Variants in RNF213 observed in about 807,000 individuals in gnomAD.
RNF213 encodes the protein E3 ubiquitin-protein ligase RNF213.
In RNF213, 341 loss-of-function variants were observed where a neutral mutation model predicts 514.4. The ratio of observed to expected loss-of-function variants is 0.66; its 90% confidence interval spans 0.61 to 0.73. The LOEUF is 0.73. Among genes scored for constraint, RNF213 ranks in the 30% least tolerant of loss-of-function variants. The pLI is 0.00. For synonymous variants in RNF213, 2,655 were observed against 2,658.2 expected (o/e 1.00, Z 0.04); for missense variants, 5,767 against 6,615.6 (o/e 0.87, Z 4.45).
chr17:80,313,821 G>C lies in RNF213; in HGVS notation c.2811+654G>C, dbSNP rs2045688252. ...GATGGTGGAGGTAATGGAGGTGATG[G>C]TGGTGGTGGAGGTGATGGTGGAGGT... is the stretch of plus-strand genomic sequence containing the variant. On this transcript the variant is annotated intron_variant, in intron 15 of 67. Coordinates refer to ENST00000582970, the MANE Select transcript of RNF213 (RefSeq NM_001256071.3). Among the ~76,000 whole-genome samples the C allele has an allele frequency of 7.1e-5, 4 of 56,114 alleles. No individual in the cohort carries two copies. In the South Asian group the frequency reaches 2.1e-3, roughly 30 times the overall value. The allele number at this position is 56,114 out of a possible 152,430, so 36.8% of individuals were successfully genotyped here.
Position 80,323,335 on chromosome 17 carries a change from G to C in RNF213, c.3025-1695G>C, listed in dbSNP as rs552447356. On this transcript the variant is annotated intron_variant, in intron 17 of 67. Coordinates refer to ENST00000582970, the MANE Select transcript of RNF213 (RefSeq NM_001256071.3). ...TGGGATGTGTGAGTCCTCCTACTTT[G>C]TTCTTATTTTTCAAGATTGTTTTGG... Among the ~76,000 whole-genome samples the C allele has an allele frequency of 1.3e-3, 193 of 152,244 alleles. 1 individual carries two copies. The highest frequency in any genetic ancestry group is 6.8e-3 in the South Asian group (33 of 4,826).
At chr17:80,372,940 C>T in intron 48 of RNF213, 35 bp from the exon 49 acceptor site, 2 of 1,600,440 alleles carry the variant, frequency 1.2e-6, no homozygotes, top group Non-Finnish European at 1.7e-6. Flanking sequence ...CCCTAAGTCA[C>T]CAGCCACTCA....
At position 80,382,675 on chromosome 17, in the gene RNF213, G is replaced by A. The variant is rs145642913; in HGVS notation, c.13979-304G>A. 370 of 355,834 alleles carry A rather than the reference G, an allele frequency of 1.0e-3. 5 individuals are homozygous for A. The highest frequency in any genetic ancestry group is 7.2e-3 in the African/African-American group (337 of 46,950). The allele number at this position is 355,834 out of a possible 1,614,324, so 22.0% of individuals were successfully genotyped here. On this transcript the variant is annotated intron_variant, in intron 57 of 67. Coordinates refer to ENST00000582970, the MANE Select transcript of RNF213 (RefSeq NM_001256071.3). Reference sequence around the variant, plus strand: ...TGGGTGGCAGCAGCTGAGACGGCTGGCGGTAGCCTGGGCCACTCTTACTAT... The same window carrying A: ...TGGGTGGCAGCAGCTGAGACGGCTGACGGTAGCCTGGGCCACTCTTACTAT...
Position 80,383,076 on chromosome 17 carries a change from C to A in RNF213, c.14070+6C>A. On this transcript the variant is annotated splice_donor_region_variant and intron_variant, in intron 58 of 67. Transcript: ENST00000582970. ...TGATTTCTCCTGAACTGGAGGTAAG[C>A]AGTAAGTGCTGACAGCTGGGTTGCT... is the stretch of plus-strand genomic sequence containing the variant. 3.1e-6 allele frequency: 5 copies of A among 1,603,666 alleles called. No homozygotes were observed. The highest frequency in any genetic ancestry group is 4.3e-6 in the Non-Finnish European group (5 of 1,170,644).
rs1568105315 is a variant in RNF213 at position 80,346,442 on chromosome 17, T to C, written c.8107T>C (p.Tyr2703His). 6.2e-7 allele frequency: 1 copy of C among 1,613,664 alleles called. No homozygotes were observed. The highest frequency in any genetic ancestry group is 8.5e-7 in the Non-Finnish European group (1 of 1,180,022). The change falls in exon 29 of 68, where the codon TAT becomes CAT. Residue 2703 changes from tyrosine (Y) to histidine (H), a missense_variant. Tyr to His is a moderately conservative substitution (Grantham distance 83). Transcript: ENST00000582970. The surrounding 1 kb of genome is among the most constrained non-coding windows in gnomAD (Gnocchi z 8.1). ...YHASLEKKDS[Y>H]RKAIARFFPK... ...TGCCTCTTTAGAAAAGAAAGACTCA[T>C]ATCGGAAAGCCATCGCCAGGTTCTT...
intron 5 of RNF213, among the ~76,000 whole-genome samples, chr17:80,289,122 G>A (rs979124319): frequency 2.0e-5 from 3 of 152,320 alleles, no homozygotes; most frequent in Middle Eastern, 3.4e-3. Context: ...TTCCCAGAGC[G>A]GCAGGGACGC....
chr17:80,387,486 T>C lies in RNF213; in HGVS notation c.14922+595T>C, dbSNP rs148431622. Among the ~76,000 whole-genome samples, 61 of 152,336 alleles carry C rather than the reference T, an allele frequency of 4.0e-4. 1 individual carries two copies. Among genetic ancestry groups the C allele is most frequent in the African/African-American group, 1.2e-3 (51 of 41,584 alleles). On this transcript the variant is annotated intron_variant, in intron 63 of 67. Transcript: ENST00000582970. ...CTTCCTTCAGCCTCCATGGGTAACC[T>C]GCCAGCAGATGCCATTAGCTGTGCC...
chr17:80,261,892 C>T (rs571902926), intron 1 of RNF213, among the ~76,000 whole-genome samples: 1 of 152,318 alleles, frequency 6.6e-6, no homozygotes, highest in South Asian at 2.1e-4. Context: ...TGGCGCATGC[C>T]TGTAACTCCA....
At chr17:80,265,397 A>C (rs1335718624) in intron 2 of RNF213, among the ~76,000 whole-genome samples, 1 of 152,248 alleles carries the variant, frequency 6.6e-6, no homozygotes, top group East Asian at 1.9e-4. Context: ...GGTAGTGCGC[A>C]GCATGAACTG....
rs780622572 is a variant in RNF213, at chr17:80,383,715, C to A, written c.14109C>A (p.Ile4703=). 3 of 1,613,990 alleles carry A rather than the reference C, an allele frequency of 1.9e-6. No individual in the cohort carries two copies. In the South Asian group the frequency reaches 3.3e-5, roughly 18 times the overall value. The change falls in exon 59 of 68, where the codon ATC becomes ATA. Residue 4703 remains isoleucine (I), a synonymous_variant. Transcript: ENST00000582970. ...CCCTTCCCACCATGAATAATCTCAT[C>A]AGCCAAGATAAGCGTATCAGCTCTA... ...DKTLPTMNNL[I]SQDKRISSNP...
At chr17:80,384,714 T>C (rs572624505) in intron 59 of RNF213, among the ~76,000 whole-genome samples, 132 of 152,302 alleles carry the variant, frequency 8.7e-4, no homozygotes, top group Middle Eastern at 6.8e-3. Context: ...GTCTCTTCTT[T>C]CAGCAGCTTC....
In RNF213 at chr17:80,343,875, G is replaced by A; in HGVS notation, c.6202G>A (p.Val2068Met). The change falls in exon 28 of 68, where the codon GTG becomes ATG. Residue 2068 changes from valine (V) to methionine (M), a missense_variant. Val to Met is a conservative substitution (Grantham distance 21). This residue lies in a region of RNF213 where 1,377 missense variants were observed against 1,635.2 expected (regional missense o/e 0.84). Transcript: ENST00000582970. This position sits in a 1 kb window ranked among gnomAD's most constrained non-coding sequence, Gnocchi z 4.3. ...TTCTTAGGTGCAGACTGGAATTTGGGTGTTTCTTTTCAAGCTCCTCATTTT... is the reference window on the plus strand; with the variant it reads ...TTCTTAGGTGCAGACTGGAATTTGGATGTTTCTTTTCAAGCTCCTCATTTT... ...VTSSVQTGIW[V>M]FLFKLLILQY... 5 of 1,614,162 alleles carry A rather than the reference G, an allele frequency of 3.1e-6. No individual in the cohort carries two copies. The highest frequency in any genetic ancestry group is 3.4e-6 in the Non-Finnish European group (4 of 1,180,044).
In RNF213 at chr17:80,263,188, C is replaced by G. The variant is rs534409732; in HGVS notation, c.-108-386C>G. On this transcript the variant is annotated intron_variant, in intron 1 of 67. Coordinates refer to ENST00000582970, the MANE Select transcript of RNF213 (RefSeq NM_001256071.3). The surrounding 1 kb of genome is among the most constrained non-coding windows in gnomAD (Gnocchi z 4.9). The stretch of plus-strand genomic sequence containing the variant: ...GCAGCCTCCCCCCATTACTAGGAAT[C>G]TGACTGCCAGCCCAGTAGCCCTGGG... Among the ~76,000 whole-genome samples, 6 of 152,188 alleles carry G rather than the reference C, an allele frequency of 3.9e-5. No homozygotes were observed. Among genetic ancestry groups the G allele is most frequent in the Non-Finnish European group, 5.9e-5 (4 of 68,038 alleles).
chr17:80,287,306 G>T (rs2044506607), intron 3 of RNF213, among the ~76,000 whole-genome samples: 1 of 152,082 alleles, frequency 6.6e-6, no homozygotes, highest in South Asian at 2.1e-4. Context: ...AACCAGCTTG[G>T]GCAACATGGT....
At chr17:80,374,692 GCAGCC>G in intron 50 of RNF213, 103 bp downstream of exon 50, 1 of 1,412,148 alleles carries the variant, frequency 7.1e-7, no homozygotes, top group Non-Finnish European at 9.8e-7. Context: ...GACCACTGAT[GCAGCC>G]CATCACGTGA....
At position 80,272,931 on chromosome 17, in the gene RNF213, G is replaced by A. The variant is rs1255684744; in HGVS notation, c.98-310G>A. Among the ~76,000 whole-genome samples, 4 of 152,256 alleles carry A rather than the reference G, an allele frequency of 2.6e-5. No individual in the cohort carries two copies. In the South Asian group the frequency reaches 8.3e-4, roughly 32 times the overall value. ...CAGGCTCTGTTTTAGAGGTGCCCGA[G>A]GTGCGCTGACATCCTAGTACAGAGT... On this transcript the variant is annotated intron_variant, in intron 2 of 67. Coordinates refer to ENST00000582970, the MANE Select transcript of RNF213 (RefSeq NM_001256071.3).
chr17:80,263,647 G>C lies in RNF213; in HGVS notation c.-35G>C. On this transcript the variant is annotated 5_prime_UTR_variant, in exon 2 of 68. Transcript: ENST00000582970. This position sits in a 1 kb window ranked among gnomAD's most constrained non-coding sequence, Gnocchi z 4.9. ...CAGGCTGCCAGCGACTCCTGCTCTTGCTTCTGGATCTGCAGGGCAGTCCCA... is the reference window on the plus strand; with the variant it reads ...CAGGCTGCCAGCGACTCCTGCTCTTCCTTCTGGATCTGCAGGGCAGTCCCA... 1.3e-6 allele frequency: 2 copies of C among 1,578,282 alleles called. No individual in the cohort carries two copies. Among genetic ancestry groups the C allele is most frequent in the Non-Finnish European group, 1.7e-6 (2 of 1,147,434 alleles).
intron 2 of RNF213, among the ~76,000 whole-genome samples, chr17:80,272,505 T>C (rs2043857533): frequency 6.6e-6 from 1 of 152,086 alleles, no homozygotes; most frequent in African/African-American, 2.4e-5. Context: ...TGCTAATCCA[T>C]TCCCGAGGGG....
chr17:80,357,664 T>G (rs893768466), intron 36 of RNF213, among the ~76,000 whole-genome samples: 1 of 152,158 alleles, frequency 6.6e-6, no homozygotes, highest in Non-Finnish European at 1.5e-5. Flanking sequence ...CATACAAAAA[T>G]TATGCAGCCT....
Sources: gnomAD v4.1 joint callset for allele counts (sites outside exome capture counted in the v4.1 genomes callset) on GRCh38, gnomAD v4.1.1 for gene constraint, gnomAD v4.1.1 regional missense constraint, Gnocchi (gnomAD v3.1) non-coding constraint, MANE v1.5 for transcripts, NCBI Gene and HGNC (gene_info 2026-07-23, HGNC 2026-07-21) for gene names.